AGL: variants seen among roughly 807,000 people sequenced by gnomAD.
The protein encoded by AGL is amylo-alpha-1,6-glucosidase and 4-alpha-glucanotransferase.
A neutral mutation model predicts 199.3 loss-of-function variants in AGL; 128 were observed. The ratio of observed to expected loss-of-function variants is 0.64; its 90% confidence interval spans 0.56 to 0.74. AGL has a LOEUF of 0.74. Ranked by LOEUF, AGL falls within the 30% of genes least tolerant of loss-of-function variation. AGL has a pLI of 0.00. For synonymous variants in AGL, 584 were observed against 594.7 expected, an observed-to-expected ratio of 0.98 and a Z score of 0.26; for missense variants, 1,809 against 1,820.8, an observed-to-expected ratio of 0.99 and a Z score of 0.12.
In AGL at chr1:99,916,455, CA is replaced by C; in HGVS notation, c.4307del (p.Asn1436ThrfsTer33). ...GIYDNALDND[N>X]YNLAKGFNYH... Reference sequence around the variant, plus strand: ...TTTATGACAATGCATTAGACAATGACAACTACAATCTTGCTAAAGGTTTCAA... The same window carrying C: ...TTTATGACAATGCATTAGACAATGACACTACAATCTTGCTAAAGGTTTCAA... On this transcript the variant is annotated frameshift_variant, in exon 32 of 34. Transcript: ENST00000361915. LOFTEE classifies it high-confidence loss of function. 1 of 1,612,694 alleles carries C rather than the reference CA, an allele frequency of 6.2e-7. No homozygotes were observed. Among genetic ancestry groups the C allele is most frequent in the Non-Finnish European group, 8.5e-7 (1 of 1,179,196 alleles).
In AGL at chr1:99,900,854, G is replaced by A. The variant is rs370685884; in HGVS notation, c.3581G>A (p.Gly1194Asp). The part of the protein sequence containing the change: ...PTDDSAPLPA[G>D]TLDQPLFEVI... ...GATGATTCTGCTCCTTTGCCTGCTG[G>A]CACACTGGTAAAGATATTTCTTAAA... Residue 1194 changes from glycine (G) to aspartate (D), a missense_variant, in exon 26 of 34, where the codon GGC becomes GAC. Transcript: ENST00000361915. The A allele has an allele frequency of 2.5e-6, 4 of 1,605,808 alleles. No individual in the cohort carries two copies. Among genetic ancestry groups the A allele is most frequent in the Non-Finnish European group, 3.4e-6 (4 of 1,173,614 alleles).
At chr1:99,920,627 T>C (rs1302434208) in intron 33 of AGL, among the ~76,000 whole-genome samples, 2 of 152,220 alleles carry the variant, frequency 1.3e-5, no homozygotes, top group East Asian at 1.9e-4. Context: ...CTAGCTGATA[T>C]TAGTTATTAT....
At chr1:99,873,962 T>C (rs1200364241) in intron 7 of AGL, among the ~76,000 whole-genome samples, 1 of 152,228 alleles carries the variant, frequency 6.6e-6, no homozygotes, top group East Asian at 1.9e-4. Flanking sequence ...GAGGCAATCC[T>C]GTACCAGTTC....
rs370613774 is a variant in AGL, at chr1:99,907,500, T to C, written c.3701-3212T>C. Among the ~76,000 whole-genome samples the C allele has an allele frequency of 9.2e-5, 14 of 152,328 alleles. No homozygotes were observed. In the East Asian group the frequency reaches 2.5e-3, roughly 27 times the overall value. On this transcript the variant is annotated intron_variant, in intron 27 of 33. Coordinates refer to ENST00000361915, the MANE Select transcript of AGL (RefSeq NM_000642.3). ...AGAACTTGCTGGATCATATGATAAT[T>C]GTTTGTTGACCTTTTTGAGTAACTA...
intron 27 of AGL, among the ~76,000 whole-genome samples, chr1:99,904,954 G>T (rs961926768): frequency 6.6e-6 from 1 of 152,138 alleles, no homozygotes; most frequent in African/African-American, 2.4e-5. Flanking sequence ...ACAAGTTTTT[G>T]TGTGACACAT....
chr1:99,863,234 GGC>G (rs1045057076), intron 4 of AGL, among the ~76,000 whole-genome samples: 17 of 151,840 alleles, frequency 1.1e-4, no homozygotes, highest in African/African-American at 4.1e-4. Flanking sequence ...TGCTGTGCTT[GGC>G]CCATATTACA....
intron 27 of AGL, among the ~76,000 whole-genome samples, chr1:99,904,553 G>A (rs1053930013): frequency 1.3e-5 from 2 of 152,040 alleles, no homozygotes; most frequent in African/African-American, 4.8e-5. Context: ...CCATAATCAA[G>A]ATACAGAACT....
chr1:99,891,465 T>A, intron 22 of AGL, 109 bp downstream of exon 22: 2 of 1,505,376 alleles, frequency 1.3e-6, no homozygotes, highest in Non-Finnish European at 1.8e-6. Context: ...TTTTCCTCCT[T>A]CCTTCATCAT....
intron 23 of AGL, among the ~76,000 whole-genome samples, chr1:99,891,959 T>C (rs770664423): frequency 6.6e-6 from 1 of 152,158 alleles, no homozygotes; most frequent in Non-Finnish European, 1.5e-5. Context: ...ATAAAACATA[T>C]TGATAAGAAT....
At chr1:99,863,879 T>C (rs531015) in intron 4 of AGL, among the ~76,000 whole-genome samples, 115,133 of 151,762 alleles carry the variant, frequency 0.76, 44,370 homozygotes, top group African/African-American at 0.91. Flanking sequence ...TGGGCTCAAG[T>C]AGTCCTCTTG....
At chr1:99,877,221 T>G (rs529888091) in intron 11 of AGL, among the ~76,000 whole-genome samples, 1 of 152,326 alleles carries the variant, frequency 6.6e-6, no homozygotes, top group African/African-American at 2.4e-5. Flanking sequence ...TGCCCTCTTT[T>G]TTCTAGCCAT....
At chr1:99,863,280 A>T (rs12143270) in intron 4 of AGL, among the ~76,000 whole-genome samples, 3,011 of 152,186 alleles carry the variant, frequency 0.02, 50 homozygotes, top group Admixed American at 0.051. Flanking sequence ...ACCTATAAAA[A>T]TGGCAAATTT....
In AGL at chr1:99,861,620, G is replaced by A; in HGVS notation, c.200G>A (p.Trp67Ter). The change falls in exon 3 of 34, where the codon TGG becomes TAG. Residue 67 changes from tryptophan (W) to a stop codon, truncating the protein, a stop_gained. Coordinates refer to ENST00000361915, the MANE Select transcript of AGL (RefSeq NM_000642.3). LOFTEE classifies it high-confidence loss of function. ...FNREKFRSLD[W>*]ENPTEREDDS... ...AGAGAAAAATTCCGTTCTCTGGATT[G>A]GGAAAATCCAACAGAAAGAGAAGAT... 6.2e-7 allele frequency: 1 copy of A among 1,613,664 alleles called. No homozygotes were observed. Among genetic ancestry groups the A allele is most frequent in the Non-Finnish European group, 8.5e-7 (1 of 1,179,706 alleles).
chr1:99,857,841 A>AGGGGGGG (rs1402738862), intron 2 of AGL, among the ~76,000 whole-genome samples: 1 of 6,174 alleles, frequency 1.6e-4, no homozygotes, highest in Admixed American at 1.4e-3. Flanking sequence ...GGGGAGGGGG[A>AGGGGGGG]GGGGGAGGGG....
chr1:99,886,694 A>G (rs1023182039), intron 20 of AGL, among the ~76,000 whole-genome samples: 1 of 152,094 alleles, frequency 6.6e-6, no homozygotes, highest in Non-Finnish European at 1.5e-5. Context: ...TTCATTGGCC[A>G]TTTGTATTTA....
rs768771032 is a variant in AGL, at chr1:99,877,820, G to A, written c.1603G>A (p.Val535Ile). ...TAACTGCCACTCAACACCTCTTCAC[G>A]TAGCTGAGGTACAGAAAAACAATTT... ...LDNCHSTPLH[V>I]AEYMLDAARN... The change falls in exon 12 of 34, where the codon GTA becomes ATA. Residue 535 changes from valine to isoleucine, a missense_variant. Val to Ile is a conservative substitution (Grantham distance 29, BLOSUM62 3). Coordinates refer to ENST00000361915, the MANE Select transcript of AGL (RefSeq NM_000642.3). 1.5e-5 allele frequency: 24 copies of A among 1,613,806 alleles called. No individual in the cohort carries two copies. The highest frequency in any genetic ancestry group is 1.7e-4 in the Middle Eastern group (1 of 6,058).
intron 21 of AGL, among the ~76,000 whole-genome samples, chr1:99,888,732 T>C (rs1314876495): frequency 2.6e-5 from 4 of 152,172 alleles, no homozygotes; most frequent in Non-Finnish European, 1.5e-5. Flanking sequence ...TTTAAGAAAT[T>C]TGCTTTATCA....
chr1:99,856,637 G>T (rs2101068671), intron 2 of AGL, among the ~76,000 whole-genome samples: 1 of 151,910 alleles, frequency 6.6e-6, no homozygotes, highest in African/African-American at 2.4e-5. Flanking sequence ...TTAGGGAGTG[G>T]TGATGACTCT....
intron 21 of AGL, among the ~76,000 whole-genome samples, chr1:99,890,975 C>T (rs1256148444): frequency 6.6e-6 from 1 of 152,118 alleles, no homozygotes; most frequent in East Asian, 1.9e-4. Context: ...TCCTGAAAAG[C>T]TCTTTATATC....
Sources: allele counts gnomAD v4.1 joint callset (sites outside exome capture counted in the v4.1 genomes callset), GRCh38; gene constraint gnomAD v4.1.1; transcripts MANE v1.5; gene names NCBI Gene and HGNC (gene_info 2026-07-23, HGNC 2026-07-21).